MYO1B: variants seen among roughly 807,000 people sequenced by gnomAD.
MYO1B encodes the protein myosin IB.
A neutral mutation model predicts 159.7 loss-of-function variants in MYO1B; 72 were observed. The ratio of observed to expected loss-of-function variants is 0.45; its 90% CI spans 0.37 to 0.55. The LOEUF (loss-of-function observed/expected upper bound fraction) is 0.55. MYO1B is among the 20% of genes least tolerant of loss of function. MYO1B has a pLI of 0.00. For synonymous variants in MYO1B, 468 were observed against 473.8 expected (o/e 0.99, Z 0.16); for missense variants, 1,062 against 1,364.8 (o/e 0.78, Z 3.50).
intron 13 of MYO1B, among the ~76,000 whole-genome samples, chr2:191,372,232 G>A (rs1249360981): frequency 1.3e-5 from 2 of 152,188 alleles, no homozygotes; most frequent in East Asian, 3.8e-4. Context: ...AACTGATTTT[G>A]TTTTAATTTT....
At chr2:191,357,450 C>T (rs530255521) in intron 7 of MYO1B, among the ~76,000 whole-genome samples, 1 of 152,288 alleles carries the variant, frequency 6.6e-6, no homozygotes, top group East Asian at 1.9e-4. Flanking sequence ...ACTAGAGTGG[C>T]TTAATATGTT....
chr2:191,366,220 C>CT (rs1321537669), intron 11 of MYO1B, among the ~76,000 whole-genome samples: 1 of 152,096 alleles, frequency 6.6e-6, no homozygotes, highest in African/African-American at 2.4e-5. Flanking sequence ...TTTACTCTTG[C>CT]TTTTTTAATC....
intron 14 of MYO1B, among the ~76,000 whole-genome samples, 153 bp from the exon 15 acceptor site, chr2:191,383,127 G>A (rs997227891): frequency 6.6e-5 from 10 of 151,986 alleles, no homozygotes; most frequent in African/African-American, 2.4e-4. Flanking sequence ...AAAGTTTTGG[G>A]AACTGCCTGT....
intron 11 of MYO1B, among the ~76,000 whole-genome samples, chr2:191,368,225 A>T (rs1281144468): frequency 1.3e-5 from 2 of 152,224 alleles, no homozygotes; most frequent in Non-Finnish European, 2.9e-5. Flanking sequence ...ACATAATCTA[A>T]CAAGTTGTGC....
rs145190778 is a variant in MYO1B at position 191,252,202 on chromosome 2, G to C, written c.-10+6576G>C. Reference sequence around the variant, plus strand: ...TTCTAGTCATAATCGGTAGATCACAGTTTTGAGCTACCCCTGATATAGTGA... The same window carrying C: ...TTCTAGTCATAATCGGTAGATCACACTTTTGAGCTACCCCTGATATAGTGA... On this transcript the variant is annotated intron_variant, in intron 1 of 30. Transcript: ENST00000392318. Among the ~76,000 whole-genome samples the C allele has an allele frequency of 6.3e-3, 955 of 152,316 alleles. 3 individuals carry two copies. Among genetic ancestry groups the C allele is most frequent in the Non-Finnish European group, 0.011 (736 of 68,022 alleles).
At chr2:191,395,091 G>A (rs1336850119) in intron 20 of MYO1B, among the ~76,000 whole-genome samples, 1 of 152,118 alleles carries the variant, frequency 6.6e-6, no homozygotes, top group African/African-American at 2.4e-5. Context: ...AATATTTCAT[G>A]TTTCCTAGAG....
chr2:191,323,913 TG>T (rs958137537), intron 3 of MYO1B, among the ~76,000 whole-genome samples: 1 of 152,056 alleles, frequency 6.6e-6, no homozygotes, highest in Non-Finnish European at 1.5e-5. Context: ...AAAACAGTCT[TG>T]GAAAAAAAAT....
chr2:191,297,981 G>A (rs1689084973), intron 3 of MYO1B, among the ~76,000 whole-genome samples: 1 of 152,144 alleles, frequency 6.6e-6, no homozygotes, highest in Non-Finnish European at 1.5e-5. Flanking sequence ...TGAAGTGAAA[G>A]AACCTGCAGA....
In MYO1B at chr2:191,416,170, A is replaced by C; in HGVS notation, c.3215A>C (p.Glu1072Ala). 1 of 1,614,160 alleles carries C rather than the reference A, an allele frequency of 6.2e-7. No individual in the cohort carries two copies. The highest frequency in any genetic ancestry group is 8.5e-7 in the Non-Finnish European group (1 of 1,180,012). The change falls in exon 30 of 31, where the codon GAA becomes GCA. Residue 1072 changes from glutamate to alanine, a missense_variant. Transcript: ENST00000392318. Reference protein sequence around the residue: ...DFLFSSDHLIEMATKLYRTTL... With the variant: ...DFLFSSDHLIAMATKLYRTTL... ...CTCTTCAGCAGTGATCACCTGATTG[A>C]AATGGCCACCAAGCTCTATCGCACA...
chr2:191,417,048 C>G (rs1697620298), intron 30 of MYO1B, among the ~76,000 whole-genome samples: 1 of 152,036 alleles, frequency 6.6e-6, no homozygotes, highest in Non-Finnish European at 1.5e-5. Flanking sequence ...AGATTGTTTA[C>G]CTGCTTATAT....
At chr2:191,270,196 A>G (rs1337793560) in intron 1 of MYO1B, among the ~76,000 whole-genome samples, 1 of 152,222 alleles carries the variant, frequency 6.6e-6, no homozygotes, top group Admixed American at 6.5e-5. Context: ...TTACAAAACA[A>G]GGAAAGGTGG....
chr2:191,246,077 T>G (rs1559112990), intron 1 of MYO1B: 2 of 151,978 alleles, frequency 1.3e-5, no homozygotes, highest in Non-Finnish European at 2.9e-5. Context: ...GGGAGTGGGG[T>G]TCAGGTGCGG....
intron 26 of MYO1B, among the ~76,000 whole-genome samples, 173 bp downstream of exon 26, chr2:191,409,351 C>T (rs1479160650): frequency 1.3e-5 from 2 of 152,232 alleles, no homozygotes; most frequent in Non-Finnish European, 2.9e-5. Flanking sequence ...AGAGCCCCTG[C>T]AGCGGCCCAG....
chr2:191,300,903 C>G (rs979311192), intron 3 of MYO1B, among the ~76,000 whole-genome samples: 1 of 151,988 alleles, frequency 6.6e-6, no homozygotes, highest in Admixed American at 6.6e-5. Flanking sequence ...AAAAATAATT[C>G]CATTTTGTAT....
intron 1 of MYO1B, among the ~76,000 whole-genome samples, chr2:191,269,742 G>T (rs1687347251): frequency 6.6e-6 from 1 of 152,144 alleles, no homozygotes; most frequent in South Asian, 2.1e-4. Context: ...AGACCCCTTA[G>T]AAAGCTCTTG....
At chr2:191,402,552 T>C in intron 23 of MYO1B, 80 bp from the exon 24 acceptor site, 1 of 1,203,048 alleles carries the variant, frequency 8.3e-7, no homozygotes, top group Non-Finnish European at 1.2e-6. Context: ...GGCTCTTCTG[T>C]TTGGTGGGAT....
chr2:191,326,309 G>A (rs1023685046), intron 3 of MYO1B, among the ~76,000 whole-genome samples: 13 of 152,096 alleles, frequency 8.5e-5, no homozygotes, highest in African/African-American at 2.2e-4. Context: ...TGATGGGTAC[G>A]TGCTCTTATT....
chr2:191,395,819 C>T (rs772731230), intron 20 of MYO1B, among the ~76,000 whole-genome samples: 94 of 152,236 alleles, frequency 6.2e-4, no homozygotes, highest in South Asian at 2.1e-4. Context: ...TACTGTTGAC[C>T]TGTGTTCACT....
At chr2:191,375,514 T>TA (rs10695486) in intron 13 of MYO1B, among the ~76,000 whole-genome samples, 18 of 152,160 alleles carry the variant, frequency 1.2e-4, no homozygotes, top group South Asian at 4.2e-4. Context: ...GATAGATAGA[T>TA]GGATCCAACT....
Sources: gnomAD v4.1 joint callset for allele counts (sites outside exome capture counted in the v4.1 genomes callset) on GRCh38, gnomAD v4.1.1 for gene constraint, MANE v1.5 for transcripts, NCBI Gene and HGNC (gene_info 2026-07-23, HGNC 2026-07-21) for gene names.